Variants in COL24A1 observed in about 807,000 individuals in gnomAD.
COL24A1 encodes collagen alpha-1(XXIV) chain.
Under a neutral mutation model 253.9 loss-of-function variants are expected in COL24A1, and 224 were observed. The observed-to-expected ratio is 0.88, with a 90% CI of 0.79 to 0.99. COL24A1 has a LOEUF of 0.99. Ranked by LOEUF, COL24A1 falls within the 50% of genes least tolerant of loss-of-function variation. The pLI is 0.00. For missense variants in COL24A1, 2,131 were observed against 2,068.5 expected, an observed-to-expected ratio of 1.03 and a Z score of -0.59; for synonymous variants, 685 against 673.7, an observed-to-expected ratio of 1.02 and a Z score of -0.26.
At chr1:85,792,496 C>T (rs969533315) in intron 47 of COL24A1, among the ~76,000 whole-genome samples, 2 of 141,808 alleles carry the variant, frequency 1.4e-5, no homozygotes, top group African/African-American at 5.2e-5. Context: ...TGAGACCAGT[C>T]TGGGTGACAC....
chr1:85,987,711 A>G (rs374520922), intron 19 of COL24A1, 57 bp from the exon 20 acceptor site: 28 of 1,471,720 alleles, frequency 1.9e-5, no homozygotes, highest in African/African-American at 1.6e-4. Flanking sequence ...AAATCCATTT[A>G]GCATATAAAA....
chr1:85,921,870 G>A (rs1047936868), intron 24 of COL24A1, among the ~76,000 whole-genome samples: 5 of 152,172 alleles, frequency 3.3e-5, no homozygotes, highest in South Asian at 2.1e-4. Flanking sequence ...AAACTTCTCC[G>A]AGCTAAAGGA....
intron 28 of COL24A1, among the ~76,000 whole-genome samples, chr1:85,897,627 G>C (rs913513783): frequency 2.6e-5 from 4 of 152,090 alleles, no homozygotes; most frequent in Non-Finnish European, 5.9e-5. Context: ...TTGCAAAAAA[G>C]CCGTTGCAAA....
rs112441094 is a variant in COL24A1 at position 85,991,156 on chromosome 1, G to A, written c.2311-3502C>T. Among the ~76,000 whole-genome samples the A allele has an allele frequency of 4.9e-3, 739 of 152,240 alleles. 2 individuals are homozygous for A. The highest frequency in any genetic ancestry group is 0.017 in the African/African-American group (688 of 41,548). On this transcript the variant is annotated intron_variant, in intron 19 of 59. Transcript: ENST00000370571. Reference sequence around the variant, plus strand: ...CCAAAAACAAACCTGAATATGGTAAGGTCTCTATATGTGACTACCAATTTG... The same window carrying A: ...CCAAAAACAAACCTGAATATGGTAAAGTCTCTATATGTGACTACCAATTTG...
intron 7 of COL24A1, among the ~76,000 whole-genome samples, chr1:86,067,210 C>A (rs1444157197): frequency 6.6e-6 from 1 of 151,708 alleles, no homozygotes; most frequent in African/African-American, 2.4e-5. Context: ...CACGTAAGGT[C>A]AGTGGACATA....
At chr1:85,829,569 G>A (rs149557921) in intron 43 of COL24A1, among the ~76,000 whole-genome samples, 48,699 of 151,356 alleles carry the variant, frequency 0.32, 9,257 homozygotes, top group Non-Finnish European at 0.42. Flanking sequence ...CCAATCAGAC[G>A]TAGATTTGGT....
chr1:85,826,861 G>A (rs1458984472), intron 43 of COL24A1, among the ~76,000 whole-genome samples: 1 of 152,102 alleles, frequency 6.6e-6, no homozygotes, highest in Non-Finnish European at 1.5e-5. Flanking sequence ...TACAATCATG[G>A]CATCTGCAAA....
At chr1:86,069,716 A>AGAATCTCTG (rs1230142723) in intron 7 of COL24A1, among the ~76,000 whole-genome samples, 1 of 152,220 alleles carries the variant, frequency 6.6e-6, no homozygotes, top group African/African-American at 2.4e-5. Flanking sequence ...GAAAAGAACA[A>AGAATCTCTG]GAATCTCTGC....
chr1:86,008,737 A>G (rs560620374), intron 19 of COL24A1, among the ~76,000 whole-genome samples: 2 of 152,284 alleles, frequency 1.3e-5, no homozygotes, highest in South Asian at 4.1e-4. Context: ...GCATGTCTAG[A>G]AAACTCTGGA....
At chr1:85,846,208 A>G (rs1246401785) in intron 39 of COL24A1, among the ~76,000 whole-genome samples, 2 of 151,832 alleles carry the variant, frequency 1.3e-5, no homozygotes, top group African/African-American at 4.8e-5. Flanking sequence ...AGTCTTCTAC[A>G]CCTTATATAA....
At chr1:86,114,596 T>C (rs1037140377) in intron 4 of COL24A1, among the ~76,000 whole-genome samples, 3 of 152,152 alleles carry the variant, frequency 2.0e-5, no homozygotes, top group Non-Finnish European at 4.4e-5. Flanking sequence ...TGAGAATTCA[T>C]CTTAGGCCTC....
At chr1:85,761,634 T>A in intron 53 of COL24A1, 68 bp from the exon 54 acceptor site, 1 of 1,502,766 alleles carries the variant, frequency 6.7e-7, no homozygotes, top group Non-Finnish European at 9.3e-7. Flanking sequence ...GCAAGATAAC[T>A]AATATTCAAC....
intron 24 of COL24A1, among the ~76,000 whole-genome samples, chr1:85,940,060 T>C (rs1688596049): frequency 6.6e-6 from 1 of 152,260 alleles, no homozygotes; most frequent in African/African-American, 2.4e-5. Context: ...TGGGGATGAA[T>C]TGAAGAAAAA....
At chr1:85,917,613 A>G (rs1272284174) in intron 24 of COL24A1, among the ~76,000 whole-genome samples, 2 of 151,110 alleles carry the variant, frequency 1.3e-5, no homozygotes, top group African/African-American at 2.4e-5. Flanking sequence ...ATTTTTTCCC[A>G]TTAAGATTTC....
At chr1:85,894,837 T>C (rs907638701) in intron 31 of COL24A1, among the ~76,000 whole-genome samples, 1 of 152,160 alleles carries the variant, frequency 6.6e-6, no homozygotes, top group Non-Finnish European at 1.5e-5. Flanking sequence ...ACAATGTTAT[T>C]GTGGGAAACA....
At chr1:85,842,225 T>TA in intron 40 of COL24A1, 104 bp from the exon 41 acceptor site, 1 of 1,351,024 alleles carries the variant, frequency 7.4e-7, no homozygotes, top group Non-Finnish European at 1.0e-6. Context: ...GGATGAGACC[T>TA]AAATATGTTA....
At chr1:85,761,074 A>G (rs1332313539) in intron 55 of COL24A1, among the ~76,000 whole-genome samples, 1 of 152,158 alleles carries the variant, frequency 6.6e-6, no homozygotes, top group Non-Finnish European at 1.5e-5. Context: ...GAGAGTGAAG[A>G]TGTAGAATTA....
At chr1:85,944,010 T>C (rs1404316040) in intron 24 of COL24A1, among the ~76,000 whole-genome samples, 2 of 152,364 alleles carry the variant, frequency 1.3e-5, no homozygotes, top group East Asian at 1.9e-4. Flanking sequence ...TGTTAAAACA[T>C]TGAACTTTCC....
intron 22 of COL24A1, among the ~76,000 whole-genome samples, chr1:85,969,712 T>A (rs929919199): frequency 1.1e-4 from 15 of 138,654 alleles, no homozygotes; most frequent in Non-Finnish European, 6.1e-5. Context: ...CCTCTTAAAA[T>A]AAATGTAACA....
Sources: allele counts gnomAD v4.1 joint callset (sites outside exome capture counted in the v4.1 genomes callset), GRCh38; gene constraint gnomAD v4.1.1; transcripts MANE v1.5; gene names NCBI Gene and HGNC (gene_info 2026-07-23, HGNC 2026-07-21).